Variants in MROH9 observed in about 807,000 individuals in gnomAD.
MROH9 encodes maestro heat like repeat family member 9.
MROH9 carries 92 observed loss-of-function variants against 98.2 expected under a neutral mutation model. The observed-to-expected ratio is 0.94, with a 90% CI of 0.79 to 1.11. MROH9 has a LOEUF of 1.11. Ranked by LOEUF, MROH9 falls within the 50% of genes most tolerant of loss-of-function variation. The pLI, the probability that MROH9 is intolerant of heterozygous loss-of-function variation, is 0.00. For missense variants in MROH9, 1,057 were observed against 1,014.8 expected, an observed-to-expected ratio of 1.04 and a Z score of -0.57; for synonymous variants, 397 against 368.9, an observed-to-expected ratio of 1.08 and a Z score of -0.87.
intron 20 of MROH9, 100 bp from the exon 21 acceptor site, chr1:171,062,032 G>T (rs1654030959): frequency 1.4e-6 from 1 of 704,540 alleles, no homozygotes. Flanking sequence ...ATATAGAGAT[G>T]CTTTGCTTTG....
chr1:171,012,724 C>T (rs1208049792), intron 15 of MROH9, among the ~76,000 whole-genome samples: 1 of 151,898 alleles, frequency 6.6e-6, no homozygotes, highest in Non-Finnish European at 1.5e-5. Context: ...AGGATGGTCT[C>T]GATCTTCTGA....
chr1:170,974,949 G>A (rs998631004), intron 8 of MROH9, among the ~76,000 whole-genome samples: 1 of 151,916 alleles, frequency 6.6e-6, no homozygotes, highest in Non-Finnish European at 1.5e-5. Context: ...AGTTAAGGAT[G>A]TATCATCTAA....
intron 15 of MROH9, among the ~76,000 whole-genome samples, chr1:171,004,101 A>G (rs114631034): frequency 2.1e-4 from 32 of 152,224 alleles, no homozygotes; most frequent in African/African-American, 7.0e-4. Context: ...GCCCCCTGCA[A>G]CAGCCCTGAG....
chr1:170,959,595 G>T lies in MROH9; in HGVS notation c.286G>T (p.Glu96Ter), dbSNP rs763040210. 8 of 1,610,804 alleles carry T rather than the reference G, an allele frequency of 5.0e-6. No individual in the cohort carries two copies. In the South Asian group the frequency reaches 5.6e-5, roughly 11 times the overall value. The change falls in exon 5 of 22, where the codon GAG becomes TAG. Residue 96 changes from glutamate to a stop codon, truncating the protein, a stop_gained and splice_region_variant. Coordinates refer to ENST00000367759, the MANE Select transcript of MROH9 (RefSeq NM_001163629.2). LOFTEE classifies it high-confidence loss of function. ...CAGTTATGAGTACATTGAGGACATG[G>T]AGGTAAAATTTTTCTTCCTTTAATC... ...GSSYEYIEDM[E>*]NLYHNILNIY...
chr1:170,983,830 A>G (rs999789079), intron 9 of MROH9, among the ~76,000 whole-genome samples: 2 of 152,174 alleles, frequency 1.3e-5, no homozygotes, highest in African/African-American at 4.8e-5. Context: ...CAAATAGTTC[A>G]CTAAAAATGG....
At chr1:171,012,095 A>G (rs1256724668) in intron 15 of MROH9, among the ~76,000 whole-genome samples, 1 of 151,888 alleles carries the variant, frequency 6.6e-6, no homozygotes, top group Non-Finnish European at 1.5e-5. Flanking sequence ...TATAATTTTT[A>G]TTGTTTTTTA....
Position 170,995,442 on chromosome 1 carries a change from G to A in MROH9, c.1248G>A (p.Val416=), listed in dbSNP as rs1253426207. The change falls in exon 13 of 22, where the codon GTG becomes GTA. Residue 416 remains valine, a synonymous_variant. Transcript: ENST00000367759. ...FLPLGSYRKA[V]AQYFPQLLTT... ...CTCTTGGTTCCTACAGGAAAGCGGTGGCCCAGTATTTCCCCCAGCTCTTGA... is the reference window on the plus strand; with the variant it reads ...CTCTTGGTTCCTACAGGAAAGCGGTAGCCCAGTATTTCCCCCAGCTCTTGA... 3 of 1,613,412 alleles carry A rather than the reference G, an allele frequency of 1.9e-6. No homozygotes were observed. Among genetic ancestry groups the A allele is most frequent in the Middle Eastern group, 1.7e-4 (1 of 6,056 alleles).
chr1:171,052,305 G>C (rs964904526), intron 20 of MROH9, among the ~76,000 whole-genome samples: 1 of 152,180 alleles, frequency 6.6e-6, no homozygotes, highest in African/African-American at 2.4e-5. Context: ...GACCAAGCTG[G>C]GTGAAGCCAG....
intron 15 of MROH9, among the ~76,000 whole-genome samples, chr1:171,013,586 TC>T (rs1179436486): frequency 6.6e-5 from 10 of 152,204 alleles, no homozygotes; most frequent in Non-Finnish European, 1.5e-4. Flanking sequence ...TAGCTTTCTT[TC>T]CTAGTACTGA....
intron 12 of MROH9, 85 bp downstream of exon 12, chr1:170,992,414 C>T (rs1651393715): frequency 1.4e-6 from 2 of 1,395,686 alleles, no homozygotes; most frequent in South Asian, 1.4e-5. Flanking sequence ...CTCAATCATA[C>T]TTTCTTAACA....
intron 20 of MROH9, among the ~76,000 whole-genome samples, chr1:171,039,587 C>T (rs990087621): frequency 6.6e-6 from 1 of 152,168 alleles, no homozygotes; most frequent in African/African-American, 2.4e-5. Flanking sequence ...GACATATCCT[C>T]CCGCTTAGCT....
chr1:171,048,291 A>G (rs1035606804), intron 20 of MROH9, among the ~76,000 whole-genome samples: 25 of 152,188 alleles, frequency 1.6e-4, no homozygotes, highest in Non-Finnish European at 1.6e-4. Context: ...GCCAGGGACT[A>G]GGGTCAAAAA....
chr1:170,994,888 T>C (rs1651500593), intron 12 of MROH9, among the ~76,000 whole-genome samples: 1 of 139,096 alleles, frequency 7.2e-6, no homozygotes, highest in Admixed American at 7.3e-5. Flanking sequence ...ATTATGGCAG[T>C]TGGGAATGTG....
intron 6 of MROH9, 67 bp downstream of exon 6, chr1:170,962,043 C>G: frequency 1.2e-6 from 1 of 862,644 alleles, no homozygotes; most frequent in Non-Finnish European, 1.8e-6. Flanking sequence ...GCTTCACTTT[C>G]TTCTCATTTG....
chr1:171,039,215 T>A (rs915265322), intron 20 of MROH9, among the ~76,000 whole-genome samples: 1 of 152,226 alleles, frequency 6.6e-6, no homozygotes, highest in Non-Finnish European at 1.5e-5. Context: ...GCCATTTAAT[T>A]TGTAGGTCTT....
chr1:171,007,808 G>T (rs1652016110), intron 15 of MROH9, among the ~76,000 whole-genome samples: 1 of 152,172 alleles, frequency 6.6e-6, no homozygotes, highest in African/African-American at 2.4e-5. Flanking sequence ...TTTCCTTGGT[G>T]GATGATTTTG....
chr1:171,041,350 T>C (rs968400058), intron 20 of MROH9, among the ~76,000 whole-genome samples: 106 of 65,474 alleles, frequency 1.6e-3, no homozygotes, highest in African/African-American at 0.011. Flanking sequence ...TTCCATGATG[T>C]GTGTGTGTGT....
intron 6 of MROH9, among the ~76,000 whole-genome samples, chr1:170,962,872 A>T (rs115770269): frequency 6.6e-6 from 1 of 152,142 alleles, no homozygotes; most frequent in Non-Finnish European, 1.5e-5. Flanking sequence ...AACTATAAAA[A>T]TCCTAGAAGA....
rs757965663 is a variant in MROH9 at position 170,996,598 on chromosome 1, T to C, written c.1429T>C (p.Leu477=). 2.0e-5 allele frequency: 33 copies of C among 1,613,644 alleles called. No homozygotes were observed. Among genetic ancestry groups the C allele is most frequent in the Non-Finnish European group, 2.7e-5 (32 of 1,179,672 alleles). Residue 477 remains leucine, a synonymous_variant, in exon 14 of 22, where the codon TTA becomes CTA. Coordinates refer to ENST00000367759, the MANE Select transcript of MROH9 (RefSeq NM_001163629.2). ...TLMKENFWDQ[L]SEDLCYYHGV... is the part of the protein sequence containing the mutation. ...AATGAAGGAGAATTTCTGGGACCAG[T>C]TATCTGAAGATCTGTGTTACTATCA...
Sources: allele counts gnomAD v4.1 joint callset (sites outside exome capture counted in the v4.1 genomes callset), GRCh38; gene constraint gnomAD v4.1.1; transcripts MANE v1.5; gene names NCBI Gene and HGNC (gene_info 2026-07-23, HGNC 2026-07-21).